Variants in MYO19 observed in about 807,000 individuals in gnomAD.
The protein encoded by MYO19 is myosin XIX.
MYO19 carries 132 observed loss-of-function variants against 129.2 expected under a neutral mutation model. The ratio of observed to expected loss-of-function variants is 1.02; its 90% CI spans 0.89 to 1.18. MYO19 has a LOEUF of 1.18. Among genes scored for constraint, MYO19 ranks in the 50% most tolerant of loss-of-function variants. The pLI is 0.00. For missense variants in MYO19, 1,210 were observed against 1,216.7 expected, an observed-to-expected ratio of 0.99 and a Z score of 0.08; for synonymous variants, 531 against 477.2, an observed-to-expected ratio of 1.11 and a Z score of -1.47.
chr17:36,495,751 A>T lies in MYO19; in HGVS notation c.*500T>A, dbSNP rs1039632406. 4 of 1,248,028 alleles carry T rather than the reference A, an allele frequency of 3.2e-6. No individual in the cohort carries two copies. Among genetic ancestry groups the T allele is most frequent in the African/African-American group, 1.5e-5 (1 of 64,802 alleles). The allele number at this position is 1,248,028 out of a possible 1,614,324, so 77.3% of individuals were successfully genotyped here. On this transcript the variant is annotated 3_prime_UTR_variant, in exon 26 of 26. Coordinates refer to ENST00000614623, the MANE Select transcript of MYO19 (RefSeq NM_001163735.2). ...GTTAATAAAATCAAAACGTGATTCT[A>T]CTGTACATTGCATTATTCATAATTT...
upstream of MYO19, chr17:36,537,430 T>C (rs1248763459): frequency 6.2e-7 from 1 of 1,614,196 alleles, no homozygotes; most frequent in Non-Finnish European, 8.5e-7. Flanking sequence ...CTGCCTTTCC[T>C]AAAAATCCTT....
At chr17:36,517,408 C>A (rs185071171) in intron 6 of MYO19, among the ~76,000 whole-genome samples, 1 of 152,036 alleles carries the variant, frequency 6.6e-6, no homozygotes, top group African/African-American at 2.4e-5. Flanking sequence ...TACAGGCGCT[C>A]GCCACCATGC....
chr17:36,510,132 C>CA (rs1020946179), intron 13 of MYO19, among the ~76,000 whole-genome samples: 7 of 152,224 alleles, frequency 4.6e-5, no homozygotes, highest in African/African-American at 1.7e-4. Context: ...TGGCTCATCT[C>CA]AGAGGATTCT....
At chr17:36,533,004 C>T (rs1393244167) in intron 2 of MYO19, among the ~76,000 whole-genome samples, 1 of 152,128 alleles carries the variant, frequency 6.6e-6, no homozygotes, top group Non-Finnish European at 1.5e-5. Context: ...CTACATTAGA[C>T]AGAAATATCC....
At chr17:36,540,136 A>G (rs2074189463) in intron 2 of MYO19, among the ~76,000 whole-genome samples, 1 of 152,158 alleles carries the variant, frequency 6.6e-6, no homozygotes, top group South Asian at 2.1e-4. Flanking sequence ...CTCACCTACC[A>G]TGCTAAGGGA....
chr17:36,537,020 A>T, upstream of MYO19: 2 of 1,331,012 alleles, frequency 1.5e-6, no homozygotes, highest in Non-Finnish European at 1.0e-6. Context: ...ATAAGAGTAA[A>T]ATTAAGCCAG....
At chr17:36,531,926 T>G (rs1431241851) in intron 3 of MYO19, among the ~76,000 whole-genome samples, 1 of 152,172 alleles carries the variant, frequency 6.6e-6, no homozygotes, top group Non-Finnish European at 1.5e-5. Flanking sequence ...GACCAAGAGT[T>G]ACACATGAAG....
At chr17:36,541,470 C>T (rs976882308) in intron 2 of MYO19, among the ~76,000 whole-genome samples, 1 of 151,870 alleles carries the variant, frequency 6.6e-6, no homozygotes, top group African/African-American at 2.4e-5. Flanking sequence ...TTTTTTAAAC[C>T]TAGGTAGCCT....
At chr17:36,505,226 G>T in intron 19 of MYO19, 71 bp downstream of exon 19, 1 of 1,322,578 alleles carries the variant, frequency 7.6e-7, no homozygotes, top group Non-Finnish European at 1.1e-6. Context: ...CAGATGTCCT[G>T]CCCTTCATCT....
intron 10 of MYO19, 28 bp downstream of exon 10, chr17:36,513,601 G>T: frequency 6.2e-7 from 1 of 1,613,824 alleles, no homozygotes; most frequent in Non-Finnish European, 8.5e-7. Flanking sequence ...CTGGGTCAGC[G>T]CAAGGTGCTG....
chr17:36,511,504 G>C, intron 11 of MYO19, 49 bp from the exon 12 acceptor site: 1 of 1,502,560 alleles, frequency 6.7e-7, no homozygotes, highest in Non-Finnish European at 9.1e-7. Context: ...CGTGACGTGG[G>C]CCTACTCTGG....
At chr17:36,542,688 G>C (rs1730093853) in intron 1 of MYO19, among the ~76,000 whole-genome samples, 1 of 143,316 alleles carries the variant, frequency 7.0e-6, no homozygotes, top group East Asian at 2.1e-4. Context: ...GACAGAGTGA[G>C]ACTCCGTCTC....
rs377417022 is a variant in MYO19 at position 36,507,114 on chromosome 17, C to T, written c.1493G>A (p.Ser498Asn). The T allele has an allele frequency of 3.1e-5, 49 of 1,605,906 alleles. 2 individuals are homozygous for T. In the South Asian group the frequency reaches 4.6e-4, roughly 15 times the overall value. ...AATGCGTGTCTGGAGCTGGGCTGCG[C>T]TGCTGGGTCGATTGAGGCGGCATTC... ...NEECRLNRPS[S>N]AAQLQTRIET... The change falls in exon 17 of 26, where the codon AGC (serine) becomes AAC (asparagine). Residue 498 changes from serine to asparagine, a missense_variant. By Grantham distance (46) the Ser-to-Asn change is conservative. Transcript: ENST00000614623.
In MYO19 at chr17:36,507,838, G is replaced by A; in HGVS notation, c.1318C>T (p.Gln440Ter). 1 of 1,613,548 alleles carries A rather than the reference G, an allele frequency of 6.2e-7. No homozygotes were observed. Among genetic ancestry groups the A allele is most frequent in the Non-Finnish European group, 8.5e-7 (1 of 1,179,608 alleles). ...CINYANEKLQ[Q>*]HFVAHYLRAQ... ...CTTAGGTAGTGAGCCACAAAATGCT[G>A]CTGCAGCTTCTCATTGGCGTAGTTG... The change falls in exon 15 of 26, where the codon CAG (glutamine) becomes TAG (stop). Residue 440 changes from glutamine (Q) to a stop codon, truncating the protein, a stop_gained. Coordinates refer to ENST00000614623, the MANE Select transcript of MYO19 (RefSeq NM_001163735.2). LOFTEE classifies it high-confidence loss of function.
rs764640429 is a variant in MYO19 at position 36,525,289 on chromosome 17, T to C, written c.353A>G (p.Lys118Arg). 1.8e-5 allele frequency: 29 copies of C among 1,613,884 alleles called. No homozygotes were observed. In the East Asian group the frequency reaches 5.3e-4, roughly 30 times the overall value. The change falls in exon 6 of 26, where the codon AAG becomes AGG. Residue 118 changes from lysine (K) to arginine (R), a missense_variant. Transcript: ENST00000614623. Reference protein sequence around the residue: ...TVGEQTYRNVKSLIEPVNQSI... With the variant: ...TVGEQTYRNVRSLIEPVNQSI... ...CTGGTTGACTGGTTCAATCAGGCTC[T>C]TGACATTCCTGTAGGTCTGTTCACC...
intron 3 of MYO19, among the ~76,000 whole-genome samples, chr17:36,528,419 G>A (rs1301041132): frequency 6.6e-6 from 1 of 152,030 alleles, no homozygotes; most frequent in Non-Finnish European, 1.5e-5. Context: ...GCTGAGGCAG[G>A]AGAATGGCGT....
At chr17:36,538,471 T>C, upstream of MYO19, 1 of 1,614,132 alleles carries the variant, frequency 6.2e-7, no homozygotes, top group Non-Finnish European at 8.5e-7. Context: ...CTGTCAAATA[T>C]AACAACTGGC....
intron 3 of MYO19, 83 bp from the exon 4 acceptor site, chr17:36,528,285 G>A (rs2142390862): frequency 7.0e-7 from 1 of 1,422,256 alleles, no homozygotes; most frequent in Non-Finnish European, 9.6e-7. Flanking sequence ...AAGGCGGGCA[G>A]GACACAAAGT....
chr17:36,526,216 AC>A (rs1437972050), intron 5 of MYO19, among the ~76,000 whole-genome samples: 1 of 151,998 alleles, frequency 6.6e-6, no homozygotes, highest in Non-Finnish European at 1.5e-5. Flanking sequence ...CCCAACTCCC[AC>A]AGTAATTATT....
Sources: gnomAD v4.1 joint callset for allele counts (sites outside exome capture counted in the v4.1 genomes callset) on GRCh38, gnomAD v4.1.1 for gene constraint, MANE v1.5 for transcripts, NCBI Gene and HGNC (gene_info 2026-07-23, HGNC 2026-07-21) for gene names.